Variants in AFDN observed in about 807,000 individuals in gnomAD.
AFDN encodes the protein afadin.
Under a neutral mutation model 216.6 loss-of-function variants are expected in AFDN, and 68 were observed. That is an observed-to-expected ratio of 0.31 (90% CI 0.26 to 0.38). The LOEUF (loss-of-function observed/expected upper bound fraction) is 0.38. Among genes scored for constraint, AFDN ranks in the 10% least tolerant of loss-of-function variants. AFDN has a pLI of 1.00. For synonymous variants in AFDN, 868 were observed against 853.7 expected, an observed-to-expected ratio of 1.02 and a Z score of -0.29; for missense variants, 2,136 against 2,342.0, an observed-to-expected ratio of 0.91 and a Z score of 1.82.
chr6:167,839,289 A>G (rs1780790574), intron 1 of AFDN, among the ~76,000 whole-genome samples: 2 of 152,106 alleles, frequency 1.3e-5, no homozygotes, highest in South Asian at 4.1e-4. Context: ...TGAACAGCAA[A>G]CGTTTCGGAA....
At chr6:167,850,028 G>T (rs973657682) in intron 1 of AFDN, among the ~76,000 whole-genome samples, 1 of 152,118 alleles carries the variant, frequency 6.6e-6, no homozygotes, top group African/African-American at 2.4e-5. Context: ...TAGTCATTTG[G>T]TAATGCAAAG....
intron 22 of AFDN, among the ~76,000 whole-genome samples, chr6:167,924,634 C>A (rs754547174): frequency 6.6e-6 from 1 of 152,180 alleles, no homozygotes; most frequent in Non-Finnish European, 1.5e-5. Context: ...TTTGAAAACA[C>A]AAAAAGACTG....
chr6:167,952,673 C>T (rs2128695314), intron 30 of AFDN: 1 of 188,500 alleles, frequency 5.3e-6, no homozygotes, highest in East Asian at 1.9e-4. Flanking sequence ...ACCAATAAAA[C>T]TTTATTTACA....
At position 167,951,037 on chromosome 6, in the gene AFDN, C is replaced by A; in HGVS notation, c.3832-149C>A. 8.3e-7 allele frequency: 1 copy of A among 1,208,888 alleles called. No homozygotes were observed. The highest frequency in any genetic ancestry group is 1.1e-6 in the Non-Finnish European group (1 of 906,758). The allele number at this position is 1,208,888 out of a possible 1,614,324, so 74.9% of individuals were successfully genotyped here. A position where few individuals can be genotyped will look rare whatever the true frequency, so the allele number is the denominator to read the frequency against. On this transcript the variant is annotated intron_variant, in intron 29 of 33. Coordinates refer to ENST00000683244, the MANE Select transcript of AFDN (RefSeq NM_001386888.1). This position sits in a 1 kb window ranked among gnomAD's most constrained non-coding sequence, Gnocchi z 7.1. ...CACAGATAAATGCACTGTTACTCCA[C>A]ATTAGCCAATGAGCCTTGTAGGGCA...
intron 1 of AFDN, among the ~76,000 whole-genome samples, chr6:167,843,296 C>T (rs1344226608): frequency 6.6e-6 from 1 of 152,138 alleles, no homozygotes; most frequent in Non-Finnish European, 1.5e-5. Context: ...AATTCCTGAC[C>T]TCTTCTCCCT....
At chr6:167,876,574 G>A (rs1785410207) in intron 5 of AFDN, among the ~76,000 whole-genome samples, 1 of 152,200 alleles carries the variant, frequency 6.6e-6, no homozygotes, top group South Asian at 2.1e-4. Context: ...TATGCTGTAA[G>A]AAGGAGTTTG....
intron 1 of AFDN, among the ~76,000 whole-genome samples, chr6:167,830,327 A>G (rs1201199599): frequency 6.6e-6 from 1 of 152,200 alleles, no homozygotes; most frequent in African/African-American, 2.4e-5. Context: ...CCCTCTTATT[A>G]CACGAAGGCA....
intron 27 of AFDN, among the ~76,000 whole-genome samples, chr6:167,947,442 G>A (rs1003443255): frequency 2.0e-5 from 3 of 152,164 alleles, no homozygotes; most frequent in Non-Finnish European, 4.4e-5. Context: ...GCCTCCCAAA[G>A]TGCTGGGATT....
In AFDN at chr6:167,867,726, C is replaced by T. The variant is rs1352368612; in HGVS notation, c.302-2660C>T. Among the ~76,000 whole-genome samples the T allele has an allele frequency of 2.0e-5, 3 of 152,062 alleles. No individual in the cohort carries two copies. In the East Asian group the frequency reaches 5.8e-4, roughly 29 times the overall value. The stretch of plus-strand genomic sequence containing the variant: ...GATTACAGGCGTGAGCCACCGCGCC[C>T]GGTTACATGATAATTCTCTAGCTAG... On this transcript the variant is annotated intron_variant, in intron 2 of 33. Coordinates refer to ENST00000683244, the MANE Select transcript of AFDN (RefSeq NM_001386888.1).
At chr6:167,891,406 TGG>T (rs773825332) in intron 8 of AFDN, among the ~76,000 whole-genome samples, 7,423 of 77,142 alleles carry the variant, frequency 0.096, 226 homozygotes, top group African/African-American at 0.21. Flanking sequence ...CATAAAGGGG[TGG>T]GTGTGTGTGT....
chr6:167,966,154 T>C lies in AFDN; in HGVS notation c.5257+109T>C. On this transcript the variant is annotated intron_variant, in intron 32 of 33. Coordinates refer to ENST00000683244, the MANE Select transcript of AFDN (RefSeq NM_001386888.1). ...CCACGCCCGGCCTCCGATGGCGTCT[T>C]TCTCTCCAACTCATTCCAGCCACCC... The C allele has an allele frequency of 2.0e-6, 3 of 1,534,926 alleles. No homozygotes were observed. In the South Asian group the frequency reaches 3.6e-5, roughly 18 times the overall value.
intron 2 of AFDN, among the ~76,000 whole-genome samples, chr6:167,869,259 TACTCA>T (rs1171706605): frequency 6.6e-6 from 1 of 152,150 alleles, no homozygotes; most frequent in Non-Finnish European, 1.5e-5. Context: ...TTACTTTCCT[TACTCA>T]ACTCTGAAAG....
chr6:167,840,427 A>G (rs1350326147), intron 1 of AFDN, among the ~76,000 whole-genome samples: 2 of 152,206 alleles, frequency 1.3e-5, no homozygotes, highest in Non-Finnish European at 2.9e-5. Flanking sequence ...GTTTCTGAGC[A>G]GAAGCTTGAA....
intron 21 of AFDN, among the ~76,000 whole-genome samples, chr6:167,920,055 A>C (rs957426630): frequency 6.6e-6 from 1 of 152,216 alleles, no homozygotes; most frequent in Non-Finnish European, 1.5e-5. Context: ...CAAAACAGTT[A>C]CCTCTGAGCC....
chr6:167,879,397 G>C (rs1278705999), intron 5 of AFDN, among the ~76,000 whole-genome samples: 1 of 152,188 alleles, frequency 6.6e-6, no homozygotes, highest in African/African-American at 2.4e-5. Context: ...TGGAAATTAA[G>C]AATTTGCTTC....
At chr6:167,876,852 G>A (rs1785447295) in intron 5 of AFDN, among the ~76,000 whole-genome samples, 1 of 151,960 alleles carries the variant, frequency 6.6e-6, no homozygotes, top group African/African-American at 2.4e-5. Flanking sequence ...ATTTTGCACT[G>A]CCATTGGGGG....
chr6:167,859,507 G>A (rs1173766709), intron 1 of AFDN, among the ~76,000 whole-genome samples: 1 of 152,186 alleles, frequency 6.6e-6, no homozygotes, highest in East Asian at 1.9e-4. Flanking sequence ...TACTGGCTAG[G>A]ACATGGGTTT....
chr6:167,886,747 C>T (rs1786866904), intron 6 of AFDN, among the ~76,000 whole-genome samples: 1 of 152,144 alleles, frequency 6.6e-6, no homozygotes, highest in Non-Finnish European at 1.5e-5. Context: ...CAGCAGTGTA[C>T]ATAGGGTCTG....
chr6:167,840,271 T>C (rs1445284835), intron 1 of AFDN, among the ~76,000 whole-genome samples: 3 of 152,352 alleles, frequency 2.0e-5, no homozygotes, highest in African/African-American at 7.2e-5. Context: ...TGCGCAGACA[T>C]GTGTGAATAT....
Sources: allele counts gnomAD v4.1 joint callset (sites outside exome capture counted in the v4.1 genomes callset), GRCh38; gene constraint gnomAD v4.1.1; non-coding constraint Gnocchi (gnomAD v3.1); transcripts MANE v1.5; gene names NCBI Gene and HGNC (gene_info 2026-07-23, HGNC 2026-07-21).